Variants in EXO1 observed in about 807,000 individuals in gnomAD.
The protein encoded by EXO1 is exonuclease 1.
A neutral mutation model predicts 84.5 loss-of-function variants in EXO1; 69 were observed. The observed-to-expected ratio is 0.82, with a 90% CI of 0.67 to 1.00. The LOEUF is 1.00. Among genes scored for constraint, EXO1 ranks in the 50% least tolerant of loss-of-function variants. The probability of loss-of-function intolerance (pLI) is 0.00; values close to 1 mark genes in which losing one functional copy is unlikely to be tolerated. For synonymous variants in EXO1, 373 were observed against 366.1 expected, an observed-to-expected ratio of 1.02 and a Z score of -0.21; for missense variants, 1,045 against 1,000.7, an observed-to-expected ratio of 1.04 and a Z score of -0.60.
intron 10 of EXO1, among the ~76,000 whole-genome samples, chr1:241,866,416 T>C (rs1661731175): frequency 6.6e-6 from 1 of 152,114 alleles, no homozygotes; most frequent in African/African-American, 2.4e-5. Flanking sequence ...GCCTGGCTGC[T>C]TTCCATTTAA....
At chr1:241,859,386 G>C (rs1661245601) in intron 8 of EXO1, among the ~76,000 whole-genome samples, 1 of 152,124 alleles carries the variant, frequency 6.6e-6, no homozygotes, top group South Asian at 2.1e-4. Flanking sequence ...AAAACTTTTT[G>C]AGTCCCGGCA....
Position 241,860,566 on chromosome 1 carries a change from A to G in EXO1, c.806A>G (p.Glu269Gly), listed in dbSNP as rs746723520. The G allele has an allele frequency of 1.9e-5, 31 of 1,613,918 alleles. No homozygotes were observed. Among genetic ancestry groups the G allele is most frequent in the African/African-American group, 2.7e-5 (2 of 74,938 alleles). The change falls in exon 9 of 16, where the codon GAG becomes GGG. Residue 269 changes from glutamate to glycine, a missense_variant. By Grantham distance (98) the Glu-to-Gly change is moderately conservative. Transcript: ENST00000366548. ...CTCAAGATGAATATCACGGTACCAG[A>G]GGATTACATCAACGGGTTTATTCGG... ...HYLKMNITVPEDYINGFIRAN... is the reference protein window; with the variant it reads ...HYLKMNITVPGDYINGFIRAN...
intron 8 of EXO1, among the ~76,000 whole-genome samples, chr1:241,859,220 CTT>C (rs903471945): frequency 6.6e-6 from 1 of 151,576 alleles, no homozygotes; most frequent in African/African-American, 2.4e-5. Context: ...AAATAGCATG[CTT>C]TTATGAAAAA....
intron 15 of EXO1, 50 bp downstream of exon 15, chr1:241,885,557 G>A (rs750321896): frequency 2.2e-6 from 3 of 1,378,288 alleles, no homozygotes; most frequent in African/African-American, 2.8e-5. Flanking sequence ...GTTATTTTCT[G>A]TAATTTCCAT....
chr1:241,854,401 T>C (rs1318120178), intron 6 of EXO1, among the ~76,000 whole-genome samples: 1 of 152,176 alleles, frequency 6.6e-6, no homozygotes, highest in Non-Finnish European at 1.5e-5. Context: ...CCTCCCAAAG[T>C]GCTCGGATTA....
At position 241,853,454 on chromosome 1, in the gene EXO1, A is replaced by C; in HGVS notation, c.378A>C (p.Thr126=). 1 of 1,614,064 alleles carries C rather than the reference A, an allele frequency of 6.2e-7. No homozygotes were observed. Among genetic ancestry groups the C allele is most frequent in the Non-Finnish European group, 8.5e-7 (1 of 1,180,018 alleles). ...RECFTRSINI[T]HAMAHKVIKA... Reference sequence around the variant, plus strand: ...GTTTCACCCGGTCTATCAATATCACACATGCCATGGCCCACAAAGTAATTA... The same window carrying C: ...GTTTCACCCGGTCTATCAATATCACCCATGCCATGGCCCACAAAGTAATTA... Residue 126 remains threonine, a synonymous_variant, in exon 6 of 16, where the codon ACA becomes ACC. Transcript: ENST00000366548.
At position 241,878,945 on chromosome 1, in the gene EXO1, G is replaced by A; in HGVS notation, c.1711G>A (p.Asp571Asn). 2 of 1,614,160 alleles carry A rather than the reference G, an allele frequency of 1.2e-6. No homozygotes were observed. Among genetic ancestry groups the A allele is most frequent in the South Asian group, 2.2e-5 (2 of 91,082 alleles). The change falls in exon 13 of 16, where the codon GAT becomes AAT. Residue 571 changes from aspartate (D) to asparagine (N), a missense_variant. Physicochemically the swap from Asp to Asn is conservative, Grantham distance 23. Coordinates refer to ENST00000366548, the MANE Select transcript of EXO1 (RefSeq NM_130398.4). The stretch of plus-strand genomic sequence containing the variant: ...CATTCCGAATAATCATATTCCAGGT[G>A]ATCATATTCCAGACAAGGCAACAGT... ...DDIPNNHIPG[D>N]HIPDKATVFT...
intron 10 of EXO1, among the ~76,000 whole-genome samples, chr1:241,864,422 A>C (rs1327462429): frequency 6.6e-6 from 1 of 152,216 alleles, no homozygotes; most frequent in East Asian, 1.9e-4. Flanking sequence ...TTTTCAGACA[A>C]ATGAATCTAT....
intron 6 of EXO1, among the ~76,000 whole-genome samples, chr1:241,855,858 G>T (rs1484759479): frequency 6.6e-6 from 1 of 152,242 alleles, no homozygotes; most frequent in Non-Finnish European, 1.5e-5. Flanking sequence ...CGACAGGGCC[G>T]GCCGGCTGCT....
intron 11 of EXO1, among the ~76,000 whole-genome samples, chr1:241,871,687 A>G (rs529587298): frequency 7.2e-5 from 11 of 152,164 alleles, no homozygotes; most frequent in Admixed American, 7.2e-4. Context: ...TTACATATAA[A>G]TTTTCCTGGA....
chr1:241,855,927 C>T lies in EXO1; in HGVS notation c.406-1418C>T, dbSNP rs1306164266. Among the ~76,000 whole-genome samples, 8 of 152,300 alleles carry T rather than the reference C, an allele frequency of 5.3e-5. 1 individual carries two copies. The South Asian group carries it at 6.2e-4, about 12-fold the overall frequency. On this transcript the variant is annotated intron_variant, in intron 6 of 15. Transcript: ENST00000366548. ...GGAACTCCAGCTGGCCCGCAAGCAC[C>T]GCGCGCAGCCCCAGTTCTCGCTGGC...
intron 12 of EXO1, among the ~76,000 whole-genome samples, chr1:241,873,078 G>GTTT (rs202053405): frequency 1.4e-5 from 2 of 146,676 alleles, no homozygotes; most frequent in East Asian, 2.0e-4. Context: ...CTCATTGTGG[G>GTTT]TTTTTTTTTT....
Position 241,858,680 on chromosome 1 carries a change from A to C in EXO1, c.718A>C (p.Lys240Gln). ...TGGGATTGGATTAGCAAAGGCATGC[A>C]AAGTCCTAAGACTAGCCAATAATCC... is the stretch of plus-strand genomic sequence containing the variant. ...LRGIGLAKACKVLRLANNPDI... is the reference protein window; with the variant it reads ...LRGIGLAKACQVLRLANNPDI... Residue 240 changes from lysine (K) to glutamine (Q), a missense_variant, in exon 8 of 16, where the codon AAA (lysine) becomes CAA (glutamine). Coordinates refer to ENST00000366548, the MANE Select transcript of EXO1 (RefSeq NM_130398.4). 1 of 1,614,068 alleles carries C rather than the reference A, an allele frequency of 6.2e-7. No individual in the cohort carries two copies. The highest frequency in any genetic ancestry group is 8.5e-7 in the Non-Finnish European group (1 of 1,179,906).
chr1:241,882,096 A>T, intron 14 of EXO1, 79 bp downstream of exon 14: 1 of 731,164 alleles, frequency 1.4e-6, no homozygotes. Context: ...ATACAAGCAG[A>T]ATTAAAAATC....
chr1:241,889,882 A>G lies in EXO1; in HGVS notation c.*282A>G. ...AATCCTCTGGAGTTTATAAAAGTCT[A>G]CTCTAAATATTTCTGTAATGTTGTC... On this transcript the variant is annotated 3_prime_UTR_variant, in exon 16 of 16. Coordinates refer to ENST00000366548, the MANE Select transcript of EXO1 (RefSeq NM_130398.4). 2 of 401,850 alleles carry G rather than the reference A, an allele frequency of 5.0e-6. No homozygotes were observed. The highest frequency in any genetic ancestry group is 4.9e-5 in the South Asian group (2 of 40,492). 24.9% of individuals were successfully genotyped at this position (401,850 alleles called of 1,614,324 possible). A position where few individuals can be genotyped will look rare whatever the true frequency, so the allele number is the denominator to read the frequency against.
intron 13 of EXO1, 108 bp downstream of exon 13, chr1:241,879,451 T>A (rs940489352): frequency 1.2e-5 from 8 of 659,040 alleles, no homozygotes; most frequent in African/African-American, 8.2e-5. Flanking sequence ...AGCTATATTA[T>A]TTTTTCATTC....
intron 12 of EXO1, among the ~76,000 whole-genome samples, 167 bp from the exon 13 acceptor site, chr1:241,878,582 T>A (rs1402577377): frequency 1.3e-5 from 2 of 152,052 alleles, no homozygotes; most frequent in East Asian, 3.9e-4. Context: ...ATAATCAAAA[T>A]TTGAATTTTG....
chr1:241,869,973 G>T (rs1661996814), intron 11 of EXO1, among the ~76,000 whole-genome samples: 1 of 152,016 alleles, frequency 6.6e-6, no homozygotes, highest in Non-Finnish European at 1.5e-5. Flanking sequence ...TACCACACCT[G>T]GCTAATTTTT....
intron 12 of EXO1, among the ~76,000 whole-genome samples, chr1:241,878,312 A>C (rs1391760482): frequency 6.6e-6 from 1 of 152,216 alleles, no homozygotes; most frequent in South Asian, 2.1e-4. Context: ...CAGCCTGACC[A>C]ACATGGAGAA....
Sources: allele counts gnomAD v4.1 joint callset (sites outside exome capture counted in the v4.1 genomes callset), GRCh38; gene constraint gnomAD v4.1.1; transcripts MANE v1.5; gene names NCBI Gene and HGNC (gene_info 2026-07-23, HGNC 2026-07-21).